The following COL14A1 variants were observed in gnomAD, a reference collection of about 807,000 sequenced individuals.
COL14A1 encodes the protein collagen alpha-1(XIV) chain.
In COL14A1, 136 loss-of-function variants were observed where a neutral mutation model predicts 230.3. The observed-to-expected ratio is 0.59, with a 90% CI of 0.51 to 0.68. The LOEUF is 0.68. Ranked by LOEUF, COL14A1 falls within the 30% of genes least tolerant of loss-of-function variation. The pLI is 0.00. For synonymous variants in COL14A1, 792 were observed against 784.1 expected, an observed-to-expected ratio of 1.01 and a Z score of -0.17; for missense variants, 1,976 against 2,215.8, an observed-to-expected ratio of 0.89 and a Z score of 2.17.
chr8:120,264,527 A>G (rs1563704811), intron 24 of COL14A1, among the ~76,000 whole-genome samples: 1 of 152,144 alleles, frequency 6.6e-6, no homozygotes, highest in Non-Finnish European at 1.5e-5. Context: ...GTAAACAACC[A>G]ATAAAAGAAT....
chr8:120,226,828 G>A (rs1423764027), intron 16 of COL14A1, 62 bp downstream of exon 16: 1 of 1,501,880 alleles, frequency 6.7e-7, no homozygotes, highest in African/African-American at 1.4e-5. Flanking sequence ...TACTGCTGCT[G>A]GAGTTGGTCT....
At chr8:120,159,035 A>C (rs974500565) in intron 3 of COL14A1, among the ~76,000 whole-genome samples, 1 of 152,194 alleles carries the variant, frequency 6.6e-6, no homozygotes, top group Non-Finnish European at 1.5e-5. Flanking sequence ...CAGGCAAGTT[A>C]ATGACTCAGT....
At chr8:120,241,933 A>C (rs1818619366) in intron 19 of COL14A1, among the ~76,000 whole-genome samples, 2 of 152,204 alleles carry the variant, frequency 1.3e-5, no homozygotes, top group African/African-American at 2.4e-5. Flanking sequence ...TAAAATTCAA[A>C]ATCTGAAATG....
At chr8:120,332,826 A>T (rs1225293017) in intron 42 of COL14A1, 91 bp downstream of exon 42, 1 of 1,047,476 alleles carries the variant, frequency 9.5e-7, no homozygotes, top group Non-Finnish European at 1.4e-6. Context: ...GTTAGTCAGA[A>T]ATGTTTATTC....
chr8:120,304,195 C>T (rs1820794759), intron 36 of COL14A1, among the ~76,000 whole-genome samples: 1 of 152,052 alleles, frequency 6.6e-6, no homozygotes, highest in South Asian at 2.1e-4. Flanking sequence ...AACTAACTAA[C>T]TACTGGATTC....
intron 2 of COL14A1, among the ~76,000 whole-genome samples, chr8:120,148,198 T>C (rs1381663834): frequency 6.6e-6 from 1 of 150,556 alleles, no homozygotes; most frequent in Non-Finnish European, 1.5e-5. Flanking sequence ...CCAGGTATGA[T>C]CTTGGCTCAC....
At chr8:120,311,514 A>G (rs1031838653) in intron 37 of COL14A1, among the ~76,000 whole-genome samples, 14 of 152,182 alleles carry the variant, frequency 9.2e-5, no homozygotes, top group African/African-American at 2.9e-4. Context: ...GATGATTTTG[A>G]TGAATCACAG....
intron 21 of COL14A1, among the ~76,000 whole-genome samples, chr8:120,248,958 C>T (rs1428262853): frequency 8.5e-6 from 1 of 117,392 alleles, no homozygotes; most frequent in Non-Finnish European, 1.6e-5. Flanking sequence ...CGGAGTCTCG[C>T]TCTGTCACCC....
Position 120,277,806 on chromosome 8 carries a change from A to T in COL14A1, c.3214-305A>T, listed in dbSNP as rs10088126. 0.13 allele frequency: 22,523 copies of T among 167,434 alleles called. 1,666 individuals are homozygous for T. Among genetic ancestry groups the T allele is most frequent in the Non-Finnish European group, 0.16 (12,761 of 78,336 alleles). 10.4% of individuals were successfully genotyped at this position (167,434 alleles called of 1,614,324 possible). On this transcript the variant is annotated intron_variant, in intron 26 of 47. Coordinates refer to ENST00000297848, the MANE Select transcript of COL14A1 (RefSeq NM_021110.4). ...GAAGGTTGAAAAACTGCCTATTGGG[A>T]ACTATGCTCACTACCTGGGGGACAG...
intron 14 of COL14A1, among the ~76,000 whole-genome samples, chr8:120,220,585 A>G (rs1186256179): frequency 6.6e-6 from 1 of 151,662 alleles, no homozygotes; most frequent in Non-Finnish European, 1.5e-5. Flanking sequence ...GCAATTGATT[A>G]TTAACGCTTT....
rs777900946 is a variant in COL14A1, at chr8:120,207,057, T to C, written c.1154T>C (p.Val385Ala). Residue 385 changes from valine (V) to alanine (A), a missense_variant, in exon 10 of 48, where the codon GTT becomes GCT. By Grantham distance (64) the Val-to-Ala change is moderately conservative. Transcript: ENST00000297848. The stretch of plus-strand genomic sequence containing the variant: ...CCAGGAAATGTGGAAAAATACAGAG[T>C]TGTGTATTATCCTACCAGGGGTGGA... ...HAPGNVEKYR[V>A]VYYPTRGGKP... The C allele has an allele frequency of 5.0e-6, 8 of 1,613,604 alleles. No individual in the cohort carries two copies. Among genetic ancestry groups the C allele is most frequent in the Admixed American group, 1.7e-5 (1 of 59,964 alleles).
chr8:120,358,257 A>C (rs1823055010), intron 45 of COL14A1, among the ~76,000 whole-genome samples: 1 of 152,194 alleles, frequency 6.6e-6, no homozygotes, highest in Non-Finnish European at 1.5e-5. Context: ...TTCAATACCC[A>C]GATAGAGTAT....
chr8:120,312,296 C>T (rs1340647873), intron 37 of COL14A1, among the ~76,000 whole-genome samples: 2 of 152,072 alleles, frequency 1.3e-5, no homozygotes, highest in Non-Finnish European at 2.9e-5. Flanking sequence ...CTTCCACACG[C>T]TCACCTCCCA....
chr8:120,143,266 G>GT (rs1350428923), intron 1 of COL14A1, among the ~76,000 whole-genome samples: 2 of 152,194 alleles, frequency 1.3e-5, no homozygotes, highest in African/African-American at 4.8e-5. Flanking sequence ...GACTAGTGCA[G>GT]TATCTCTCAA....
intron 5 of COL14A1, among the ~76,000 whole-genome samples, chr8:120,169,202 A>G (rs1006955442): frequency 1.3e-5 from 2 of 152,138 alleles, no homozygotes; most frequent in African/African-American, 4.8e-5. Context: ...AATTTTCACT[A>G]TCACAAACAT....
At chr8:120,272,155 A>G (rs1819687103) in intron 26 of COL14A1, among the ~76,000 whole-genome samples, 1 of 151,786 alleles carries the variant, frequency 6.6e-6, no homozygotes. Context: ...CTCCTTAAAC[A>G]AAATAACTGT....
In COL14A1 at chr8:120,313,940, T is replaced by C; in HGVS notation, c.4464T>C (p.Asp1488=). ...TCTCTCTTGCCTTCCAGGGACCAGA[T>C]GGCCCTCGGGGTGAAATTGGTCTGC... The part of the protein sequence containing the change: ...QQGEPGPKGP[D]GPRGEIGLPG... Residue 1488 remains aspartate (D), a synonymous_variant, in exon 38 of 48, where the codon GAT becomes GAC. Transcript: ENST00000297848. 1 of 1,611,424 alleles carries C rather than the reference T, an allele frequency of 6.2e-7. No homozygotes were observed. Among genetic ancestry groups the C allele is most frequent in the Non-Finnish European group, 8.5e-7 (1 of 1,178,568 alleles).
At chr8:120,288,948 C>G (rs1820289390) in intron 33 of COL14A1, among the ~76,000 whole-genome samples, 2 of 152,076 alleles carry the variant, frequency 1.3e-5, no homozygotes, top group Admixed American at 6.6e-5. Flanking sequence ...TAGAATATAC[C>G]TAACTTTGAC....
At chr8:120,355,689 G>T (rs1407883630) in intron 45 of COL14A1, among the ~76,000 whole-genome samples, 1 of 151,944 alleles carries the variant, frequency 6.6e-6, no homozygotes, top group East Asian at 1.9e-4. Flanking sequence ...ACAAAGTGCT[G>T]GGATTACAGG....
Sources: allele counts gnomAD v4.1 joint callset (sites outside exome capture counted in the v4.1 genomes callset), GRCh38; gene constraint gnomAD v4.1.1; transcripts MANE v1.5; gene names NCBI Gene and HGNC (gene_info 2026-07-23, HGNC 2026-07-21).